Variants in BNC2 observed in about 807,000 individuals in gnomAD.
BNC2 encodes basonuclin zinc finger protein 2.
In BNC2, 20 loss-of-function variants were observed where a neutral mutation model predicts 76.3. The ratio of observed to expected loss-of-function variants is 0.26; its 90% confidence interval spans 0.18 to 0.38. The LOEUF (loss-of-function observed/expected upper bound fraction) is 0.38. Ranked by LOEUF, BNC2 falls within the 10% of genes least tolerant of loss-of-function variation. The pLI is 1.00. For missense variants in BNC2, 1,382 were observed against 1,399.8 expected (o/e 0.99, Z 0.20); for synonymous variants, 582 against 514.8 (o/e 1.13, Z -1.77).
At chr9:16,671,946 A>G (rs1171236403) in intron 3 of BNC2, among the ~76,000 whole-genome samples, 2 of 152,248 alleles carry the variant, frequency 1.3e-5, no homozygotes, top group African/African-American at 4.8e-5. Flanking sequence ...CATACATTGT[A>G]AGGTTGTCTT....
intron 5 of BNC2, among the ~76,000 whole-genome samples, chr9:16,527,833 C>T (rs897328853): frequency 6.6e-6 from 1 of 152,164 alleles, no homozygotes; most frequent in African/African-American, 2.4e-5. Flanking sequence ...CAACGCATCG[C>T]TACAAATTAA....
intron 5 of BNC2, among the ~76,000 whole-genome samples, chr9:16,463,656 A>G (rs1821638406): frequency 6.6e-6 from 1 of 152,172 alleles, no homozygotes; most frequent in African/African-American, 2.4e-5. Flanking sequence ...CCGCACTGAC[A>G]AAAACAGAAT....
At chr9:16,672,969 A>G (rs966273234) in intron 3 of BNC2, among the ~76,000 whole-genome samples, 7 of 152,236 alleles carry the variant, frequency 4.6e-5, no homozygotes, top group Non-Finnish European at 1.0e-4. Flanking sequence ...CGAAGCAAAA[A>G]TCCTGAATCA....
chr9:16,520,974 C>G (rs1271861419), intron 5 of BNC2, among the ~76,000 whole-genome samples: 3 of 152,200 alleles, frequency 2.0e-5, no homozygotes, highest in Non-Finnish European at 4.4e-5. Context: ...TAGTATTTTA[C>G]TCCAGCTTCT....
At chr9:16,851,897 ACC>A (rs1819135747) in intron 1 of BNC2, among the ~76,000 whole-genome samples, 1 of 152,204 alleles carries the variant, frequency 6.6e-6, no homozygotes, top group African/African-American at 2.4e-5. Flanking sequence ...AAACAGGTAT[ACC>A]CTGAACTGAA....
intron 1 of BNC2, among the ~76,000 whole-genome samples, chr9:16,821,243 A>G (rs1196720121): frequency 3.3e-5 from 5 of 151,588 alleles, no homozygotes; most frequent in Non-Finnish European, 5.9e-5. Context: ...CAAAAAAAAA[A>G]AAAGAAAAAA....
intron 5 of BNC2, among the ~76,000 whole-genome samples, chr9:16,511,105 C>CTTTT (rs34511398): frequency 0.013 from 1,668 of 125,162 alleles, 26 homozygotes; most frequent in East Asian, 0.021. Flanking sequence ...ACTAAACTTA[C>CTTTT]TTTTTTTTTT....
intron 5 of BNC2, among the ~76,000 whole-genome samples, chr9:16,447,458 C>G (rs751018167): frequency 6.6e-6 from 1 of 151,894 alleles, no homozygotes; most frequent in Non-Finnish European, 1.5e-5. Context: ...ATGTTAAAAC[C>G]CTTTTACTTT....
intron 1 of BNC2, among the ~76,000 whole-genome samples, chr9:16,850,442 T>C (rs902625989): frequency 6.6e-6 from 1 of 152,306 alleles, no homozygotes; most frequent in Admixed American, 6.5e-5. Context: ...AATGTCAAAA[T>C]TGTCAGCTTA....
intron 1 of BNC2, among the ~76,000 whole-genome samples, chr9:16,854,022 T>G (rs1252257935): frequency 1.3e-5 from 2 of 152,206 alleles, no homozygotes; most frequent in Non-Finnish European, 2.9e-5. Context: ...ACTTCTAAAG[T>G]CAGACTGGAG....
intron 1 of BNC2, among the ~76,000 whole-genome samples, chr9:16,820,998 C>T (rs1173242202): frequency 6.6e-6 from 1 of 151,862 alleles, no homozygotes. Context: ...GTTGGGAGGC[C>T]GAGGCGGGTG....
intron 5 of BNC2, among the ~76,000 whole-genome samples, chr9:16,460,795 T>G (rs1821562652): frequency 6.6e-6 from 1 of 152,066 alleles, no homozygotes. Context: ...TTAGCGTTAT[T>G]ATCAGGATTG....
At chr9:16,711,152 G>T (rs1446771648) in intron 3 of BNC2, among the ~76,000 whole-genome samples, 1 of 152,128 alleles carries the variant, frequency 6.6e-6, no homozygotes, top group African/African-American at 2.4e-5. Flanking sequence ...GTGGCAAGGG[G>T]AAGAAAGAAA....
At chr9:16,813,413 C>T (rs912470414) in intron 1 of BNC2, among the ~76,000 whole-genome samples, 7 of 151,748 alleles carry the variant, frequency 4.6e-5, no homozygotes, top group Admixed American at 2.6e-4. Flanking sequence ...CTACAGGCGC[C>T]CGCCACTACG....
chr9:16,526,382 C>A (rs1244939901), intron 5 of BNC2, among the ~76,000 whole-genome samples: 1 of 150,196 alleles, frequency 6.7e-6, no homozygotes, highest in Non-Finnish European at 1.5e-5. Context: ...TAATACCTAA[C>A]TGATTTACCT....
intron 5 of BNC2, among the ~76,000 whole-genome samples, chr9:16,467,112 CA>C (rs1288736903): frequency 9.0e-5 from 2 of 22,340 alleles, no homozygotes; most frequent in African/African-American, 4.5e-4. Flanking sequence ...CAGAGAAATG[CA>C]AATCAAAACC....
At chr9:16,836,880 C>T (rs1348373574) in intron 1 of BNC2, among the ~76,000 whole-genome samples, 1 of 152,112 alleles carries the variant, frequency 6.6e-6, no homozygotes, top group African/African-American at 2.4e-5. Flanking sequence ...GGGCTGTCCA[C>T]AGCATTGAGT....
chr9:16,746,311 G>A (rs758158840), intron 1 of BNC2, among the ~76,000 whole-genome samples: 18 of 152,094 alleles, frequency 1.2e-4, no homozygotes, highest in Non-Finnish European at 2.4e-4. Context: ...TGCAATCAGT[G>A]TCAGAGCCCC....
intron 3 of BNC2, among the ~76,000 whole-genome samples, chr9:16,598,490 TTC>T (rs1820155259): frequency 6.6e-6 from 1 of 152,176 alleles, no homozygotes; most frequent in Non-Finnish European, 1.5e-5. Context: ...GTCATCCAAC[TTC>T]ACATAAGAGA....
Sources: allele counts gnomAD v4.1 joint callset (sites outside exome capture counted in the v4.1 genomes callset), GRCh38; gene constraint gnomAD v4.1.1; transcripts MANE v1.5; gene names NCBI Gene and HGNC (gene_info 2026-07-23, HGNC 2026-07-21).